MYO1H: variants seen among roughly 807,000 people sequenced by gnomAD.
MYO1H encodes unconventional myosin-Ih.
MYO1H carries 118 observed loss-of-function variants against 149.3 expected under a neutral mutation model. The ratio of observed to expected loss-of-function variants is 0.79; its 90% CI spans 0.68 to 0.92. MYO1H has a LOEUF of 0.92. Ranked by LOEUF, MYO1H falls within the 40% of genes least tolerant of loss-of-function variation. The pLI is 0.00. For missense variants in MYO1H, 1,212 were observed against 1,280.7 expected (o/e 0.95, Z 0.82); for synonymous variants, 447 against 465.2 (o/e 0.96, Z 0.50).
intron 12 of MYO1H, 150 bp downstream of exon 12, chr12:109,410,218 T>G (rs766279548): frequency 6.3e-6 from 3 of 473,696 alleles, no homozygotes; most frequent in African/African-American, 2.0e-5. Flanking sequence ...CATGACTGGT[T>G]GCAACCTCCA....
chr12:109,341,189 GA>G, the MYO1H span, among the ~76,000 whole-genome samples: 169 of 96,062 alleles, frequency 1.8e-3, 1 homozygote, highest in East Asian at 0.016. Context: ...ACTCCATCTC[GA>G]AAAAAAAAAA....
chr12:109,426,035 C>A (rs376635358), exon 18 of MYO1H: 1 of 1,613,040 alleles, frequency 6.2e-7, no homozygotes, highest in Admixed American at 1.7e-5. Flanking sequence ...TCAAGCCCAA[C>A]GACAGGAAAG....
chr12:109,410,474 T>C (rs1407925633), intron 12 of MYO1H, among the ~76,000 whole-genome samples: 1 of 152,228 alleles, frequency 6.6e-6, no homozygotes, highest in Non-Finnish European at 1.5e-5. Flanking sequence ...ATTATTTCAT[T>C]GGAGATATTC....
intron 1 of MYO1H, among the ~76,000 whole-genome samples, chr12:109,380,659 G>T (rs577076208): frequency 1.3e-5 from 2 of 152,272 alleles, no homozygotes; most frequent in South Asian, 4.2e-4. Flanking sequence ...AGAAAACTAA[G>T]GTTAAGGCTG....
chr12:109,426,812 T>C (rs1320407188), intron 18 of MYO1H, among the ~76,000 whole-genome samples: 1 of 151,880 alleles, frequency 6.6e-6, no homozygotes, highest in Non-Finnish European at 1.5e-5. Context: ...GAAAAGCAAA[T>C]GAGTGAAGCA....
At chr12:109,412,328 T>A (rs1444762437) in intron 14 of MYO1H, among the ~76,000 whole-genome samples, 1 of 152,074 alleles carries the variant, frequency 6.6e-6, no homozygotes, top group Admixed American at 6.6e-5. Context: ...TGGCTAATTT[T>A]TATATTTTTT....
Position 109,443,045 on chromosome 12 carries a change from T to TGTGTATATGTGTAC in MYO1H, c.2689-467_2689-466insGTATATGTGTACGT, listed in dbSNP as rs1555255542. On this transcript the variant is annotated intron_variant, in intron 27 of 31. Coordinates refer to ENST00000310903, the Ensembl canonical transcript of MYO1H. Reference sequence around the variant, plus strand: ...ATATATATATGTGTGTGTGTGTGTGTGTATATATGTGTACGTATGTGTGTA... The same window carrying TGTGTATATGTGTAC: ...ATATATATATGTGTGTGTGTGTGTGTGTGTATATGTGTACGTATATATGTGTACGTATGTGTGTA... 3.5e-4 allele frequency among the ~76,000 whole-genome samples: 33 copies of TGTGTATATGTGTAC among 93,518 alleles called. 11 individuals carry two copies. Among genetic ancestry groups the TGTGTATATGTGTAC allele is most frequent in the African/African-American group, 1.7e-3 (32 of 19,046 alleles). 61.4% of individuals were successfully genotyped at this position (93,518 alleles called of 152,430 possible).
At chr12:109,411,476 C>T (rs1870665315) in intron 13 of MYO1H, among the ~76,000 whole-genome samples, 1 of 152,224 alleles carries the variant, frequency 6.6e-6, no homozygotes, top group South Asian at 2.1e-4. Flanking sequence ...GAAAAATGAA[C>T]TTAAGAAATA....
the MYO1H span, among the ~76,000 whole-genome samples, chr12:109,326,250 T>A: frequency 2.0e-5 from 3 of 152,174 alleles, no homozygotes; most frequent in Non-Finnish European, 4.4e-5. Context: ...CAGAAGTTTG[T>A]ATGTTTCTAG....
chr12:109,439,899 G>T, intron 24 of MYO1H, 109 bp downstream of exon 24: 3 of 957,168 alleles, frequency 3.1e-6, no homozygotes, highest in Non-Finnish European at 4.7e-6. Flanking sequence ...GGGCTGCCCT[G>T]GCAAAGCCCT....
chr12:109,353,072 A>G (rs1868497066), intron 1 of MYO1H, among the ~76,000 whole-genome samples: 2 of 152,148 alleles, frequency 1.3e-5, no homozygotes, highest in Non-Finnish European at 1.5e-5. Flanking sequence ...TACTATAATC[A>G]AGGGTACTTG....
chr12:109,396,476 CAG>C lies in MYO1H; in HGVS notation c.386_387del (p.Glu129GlyfsTer24). 6.2e-7 allele frequency: 1 copy of C among 1,613,906 alleles called. No homozygotes were observed. Among genetic ancestry groups the C allele is most frequent in the East Asian group, 2.2e-5 (1 of 44,858 alleles). On this transcript the variant is annotated frameshift_variant, in exon 4 of 32. Transcript: ENST00000310903. LOFTEE classifies it high-confidence loss of function. ...TCTGGAGAGAGTGGGGCAGGGAAAA[CAG>C]AGGCCTCCAAGAAAATTCTCGAGTA... is the stretch of plus-strand genomic sequence containing the variant.
intron 12 of MYO1H, among the ~76,000 whole-genome samples, 187 bp downstream of exon 12, chr12:109,410,255 C>T (rs1266593686): frequency 2.0e-5 from 3 of 152,128 alleles, no homozygotes; most frequent in African/African-American, 7.2e-5. Flanking sequence ...GATCCTCCTG[C>T]CTCAGCCTCC....
chr12:109,384,480 CT>C (rs1367677756), intron 1 of MYO1H, among the ~76,000 whole-genome samples: 1 of 152,222 alleles, frequency 6.6e-6, no homozygotes, highest in Non-Finnish European at 1.5e-5. Context: ...ATCACTCCAA[CT>C]TCTTGATTAC....
intron 15 of MYO1H, 138 bp from the exon 16 acceptor site, chr12:109,420,843 C>T (rs2135572787): frequency 3.0e-6 from 2 of 668,954 alleles, no homozygotes; most frequent in South Asian, 3.4e-5. Context: ...CCCAAATACC[C>T]ATAGTGCCAA....
chr12:109,366,675 G>A (rs949328713), intron 1 of MYO1H, among the ~76,000 whole-genome samples: 3 of 152,140 alleles, frequency 2.0e-5, no homozygotes, highest in South Asian at 2.1e-4. Flanking sequence ...GCAACAAAGT[G>A]CAAAATTGAG....
Position 109,432,923 on chromosome 12 carries a change from G to A in MYO1H, c.1976G>A (p.Trp659Ter). 1 of 1,613,996 alleles carries A rather than the reference G, an allele frequency of 6.2e-7. No individual in the cohort carries two copies. The highest frequency in any genetic ancestry group is 2.2e-5 in the East Asian group (1 of 44,880). ...TACAAGTCCTTATGCCCAGACACCT[G>A]GCCGCACTGGCACGGGCCTCCAGCA... Residue 659 changes from tryptophan (W) to a stop codon, truncating the protein, a stop_gained, in exon 20 of 32, where the codon TGG becomes TAG. Coordinates refer to ENST00000310903, the Ensembl canonical transcript of MYO1H. LOFTEE classifies it high-confidence loss of function.
At chr12:109,413,570 A>C (rs1483060643) in intron 14 of MYO1H, among the ~76,000 whole-genome samples, 2 of 152,240 alleles carry the variant, frequency 1.3e-5, no homozygotes, top group Non-Finnish European at 2.9e-5. Flanking sequence ...CTGTGCAATG[A>C]ATAATCTATA....
exon 12 of MYO1H, chr12:109,410,061 G>A (rs1592801207): frequency 6.7e-7 from 1 of 1,495,508 alleles, no homozygotes. Context: ...GAAATGGAAG[G>A]CATAGAGGTA....
Sources: gnomAD v4.1 joint callset for allele counts (sites outside exome capture counted in the v4.1 genomes callset) on GRCh38, gnomAD v4.1.1 for gene constraint, MANE v1.5 for transcripts, NCBI Gene and HGNC (gene_info 2026-07-23, HGNC 2026-07-21) for gene names.